PTPRM: variants seen among roughly 807,000 people sequenced by gnomAD.
The protein encoded by PTPRM is protein tyrosine phosphatase receptor type M.
In PTPRM, 47 loss-of-function variants were observed where a neutral mutation model predicts 186.7. That is an observed-to-expected ratio of 0.25 (90% CI 0.20 to 0.32). The LOEUF is 0.32. Ranked by LOEUF, PTPRM falls within the 10% of genes least tolerant of loss-of-function variation. The pLI is 1.00. For missense variants in PTPRM, 1,494 were observed against 1,865.0 expected (o/e 0.80, Z 3.66); for synonymous variants, 668 against 674.9 (o/e 0.99, Z 0.16).
At chr18:8,070,309 A>G (rs1233821746) in intron 8 of PTPRM, among the ~76,000 whole-genome samples, 1 of 152,162 alleles carries the variant, frequency 6.6e-6, no homozygotes, top group African/African-American at 2.4e-5. Context: ...TTATTTATAT[A>G]AAATCATTGG....
At chr18:7,902,809 C>T (rs2049767400) in intron 3 of PTPRM, among the ~76,000 whole-genome samples, 3 of 147,822 alleles carry the variant, frequency 2.0e-5, no homozygotes, top group Admixed American at 2.0e-4. Context: ...CTAGATGGCT[C>T]TTCCAGGTCT....
chr18:8,216,380 CAAAT>C (rs1343985897), intron 14 of PTPRM, among the ~76,000 whole-genome samples: 2 of 152,250 alleles, frequency 1.3e-5, no homozygotes, highest in African/African-American at 4.8e-5. Flanking sequence ...ATCTCAATAA[CAAAT>C]AACTTGTTCA....
rs2091841726 is a variant in PTPRM at position 8,113,472 on chromosome 18, T to C, written c.1857-14T>C. Reference sequence around the variant, plus strand: ...TATCATAAAATATCATTGATGGTACTCTTGTTTTTCTAGTGTCTATCAAAT... The same window carrying C: ...TATCATAAAATATCATTGATGGTACCCTTGTTTTTCTAGTGTCTATCAAAT... On this transcript the variant is annotated splice_polypyrimidine_tract_variant and intron_variant, in intron 11 of 32. Coordinates refer to ENST00000580170, the MANE Select transcript of PTPRM (RefSeq NM_001105244.2). 1 of 1,608,842 alleles carries C rather than the reference T, an allele frequency of 6.2e-7. No individual in the cohort carries two copies. The highest frequency in any genetic ancestry group is 1.1e-5 in the South Asian group (1 of 90,840).
chr18:7,626,989 G>A (rs1383192704), intron 1 of PTPRM, among the ~76,000 whole-genome samples: 4 of 152,052 alleles, frequency 2.6e-5, no homozygotes, highest in Admixed American at 6.6e-5. Flanking sequence ...ATCACACTCA[G>A]CTCACTCTCC....
chr18:8,315,856 T>A (rs1162210682), intron 21 of PTPRM, among the ~76,000 whole-genome samples: 3 of 152,202 alleles, frequency 2.0e-5, no homozygotes, highest in Admixed American at 2.0e-4. Context: ...GGGTAGGGAC[T>A]GGGGTATGAT....
chr18:8,079,100 G>A (rs562027442), intron 9 of PTPRM, among the ~76,000 whole-genome samples: 2 of 134,594 alleles, frequency 1.5e-5, no homozygotes, highest in Admixed American at 7.6e-5. Flanking sequence ...AAAAACGGCT[G>A]ACAGCATTGT....
rs181137321 is a variant in PTPRM at position 8,014,361 on chromosome 18, G to T, written c.1133-55325G>T. Among the ~76,000 whole-genome samples the T allele has an allele frequency of 4.3e-4, 65 of 152,092 alleles. 1 individual carries two copies. Among genetic ancestry groups the T allele is most frequent in the Middle Eastern group, 3.4e-3 (1 of 292 alleles). ...ATTTTTCCTGTTTTGTTATTTCAAA[G>T]GTTTTTTTGTTTGTTTTTGAAGAAG... On this transcript the variant is annotated intron_variant, in intron 7 of 32. Transcript: ENST00000580170.
intron 14 of PTPRM, among the ~76,000 whole-genome samples, chr18:8,177,654 G>A (rs971401759): frequency 6.6e-6 from 1 of 152,162 alleles, no homozygotes; most frequent in Non-Finnish European, 1.5e-5. Flanking sequence ...TTCAACCCAG[G>A]GGCATAAGGC....
At chr18:8,269,136 T>A (rs558191595) in intron 19 of PTPRM, among the ~76,000 whole-genome samples, 45 of 152,088 alleles carry the variant, frequency 3.0e-4, no homozygotes, top group African/African-American at 1.1e-3. Context: ...TCTGTTTATA[T>A]GTAACATGAT....
intron 11 of PTPRM, among the ~76,000 whole-genome samples, chr18:8,094,964 T>C (rs981127376): frequency 6.6e-6 from 1 of 152,172 alleles, no homozygotes; most frequent in African/African-American, 2.4e-5. Context: ...CATCTTAAGG[T>C]CTCTGAGCCT....
intron 14 of PTPRM, among the ~76,000 whole-genome samples, chr18:8,165,384 A>C (rs1406400614): frequency 6.6e-6 from 1 of 152,142 alleles, no homozygotes; most frequent in African/African-American, 2.4e-5. Flanking sequence ...TGTCCAGCCG[A>C]TAGCAAGAGA....
At chr18:8,336,986 T>G (rs1027776211) in intron 22 of PTPRM, among the ~76,000 whole-genome samples, 6 of 151,600 alleles carry the variant, frequency 4.0e-5, no homozygotes, top group Middle Eastern at 3.4e-3. Flanking sequence ...ATGTATATAA[T>G]AATACATTTT....
chr18:8,182,931 G>A (rs1165155176), intron 14 of PTPRM, among the ~76,000 whole-genome samples: 1 of 152,154 alleles, frequency 6.6e-6, no homozygotes, highest in Non-Finnish European at 1.5e-5. Flanking sequence ...CTGTTGGAGG[G>A]AGAACAGTGC....
chr18:7,881,195 G>A (rs2048488586), intron 2 of PTPRM, among the ~76,000 whole-genome samples: 1 of 152,144 alleles, frequency 6.6e-6, no homozygotes, highest in Non-Finnish European at 1.5e-5. Flanking sequence ...CAGCACTTGG[G>A]AGGCTGAGGC....
In PTPRM at chr18:7,955,325, AAT is replaced by A; in HGVS notation, c.1046_1047del (p.Tyr349Ter). ...ATTGGACACCTTGACCCAGATACAG[AAT>A]ATGAGATTAGTGTGCTCCTGACCAG... is the stretch of plus-strand genomic sequence containing the variant. On this transcript the variant is annotated frameshift_variant, in exon 7 of 33. Transcript: ENST00000580170. LOFTEE classifies it high-confidence loss of function. 6.2e-7 allele frequency: 1 copy of A among 1,614,198 alleles called. No individual in the cohort carries two copies. The highest frequency in any genetic ancestry group is 8.5e-7 in the Non-Finnish European group (1 of 1,180,030).
intron 15 of PTPRM, among the ~76,000 whole-genome samples, chr18:8,245,700 A>C (rs887346395): frequency 3.9e-5 from 6 of 152,210 alleles, no homozygotes; most frequent in African/African-American, 1.4e-4. Flanking sequence ...GGGACCACAC[A>C]GATACATCTT....
chr18:8,200,141 T>C (rs1381164118), intron 14 of PTPRM, among the ~76,000 whole-genome samples: 2 of 152,148 alleles, frequency 1.3e-5, no homozygotes, highest in Non-Finnish European at 2.9e-5. Flanking sequence ...TGGGACTGAA[T>C]ATAAACTTCT....
At chr18:8,186,312 C>T (rs1425478171) in intron 14 of PTPRM, among the ~76,000 whole-genome samples, 5 of 126,344 alleles carry the variant, frequency 4.0e-5, no homozygotes, top group South Asian at 5.0e-4. Flanking sequence ...GGCAACAGAG[C>T]GATACTCCAT....
intron 7 of PTPRM, among the ~76,000 whole-genome samples, chr18:8,049,611 T>C (rs528703071): frequency 6.6e-6 from 1 of 152,188 alleles, no homozygotes; most frequent in East Asian, 1.9e-4. Context: ...GATATGTAAC[T>C]TGATGGTTAC....
Sources: allele counts gnomAD v4.1 joint callset (sites outside exome capture counted in the v4.1 genomes callset), GRCh38; gene constraint gnomAD v4.1.1; transcripts MANE v1.5; gene names NCBI Gene and HGNC (gene_info 2026-07-23, HGNC 2026-07-21).